CSGALNACT1: variants seen among roughly 807,000 people sequenced by gnomAD.
CSGALNACT1 encodes beta4GalNAcT-1.
CSGALNACT1 carries 52 observed loss-of-function variants against 51.0 expected under a neutral mutation model. The observed-to-expected ratio is 1.02, with a 90% CI of 0.82 to 1.29. The LOEUF is 1.29. Ranked by LOEUF, CSGALNACT1 falls within the 50% of genes most tolerant of loss-of-function variation. The probability of loss-of-function intolerance (pLI) is 0.00; values close to 1 mark genes in which losing one functional copy is unlikely to be tolerated. For synonymous variants in CSGALNACT1, 341 were observed against 254.4 expected (o/e 1.34, Z -3.24); for missense variants, 935 against 679.2 (o/e 1.38, Z -4.19).
chr8:19,425,402 A>G (rs942895386), intron 6 of CSGALNACT1, among the ~76,000 whole-genome samples: 1 of 152,212 alleles, frequency 6.6e-6, no homozygotes, highest in African/African-American at 2.4e-5. Context: ...CTGTAACTTC[A>G]CAACCCCGTG....
At chr8:19,534,667 T>C (rs1434618670) in intron 3 of CSGALNACT1, among the ~76,000 whole-genome samples, 1 of 151,288 alleles carries the variant, frequency 6.6e-6, no homozygotes, top group East Asian at 1.9e-4. Flanking sequence ...CAGACGGGAA[T>C]CGAAAACCGA....
intron 4 of CSGALNACT1, among the ~76,000 whole-genome samples, chr8:19,470,055 TC>T (rs373674238): frequency 0.011 from 1,673 of 152,256 alleles, 21 homozygotes; most frequent in African/African-American, 0.038. Flanking sequence ...CATACTTCCT[TC>T]ATATGCTGAT....
intron 2 of CSGALNACT1, among the ~76,000 whole-genome samples, chr8:19,601,237 T>G (rs2050362621): frequency 6.6e-6 from 1 of 152,194 alleles, no homozygotes; most frequent in Admixed American, 6.5e-5. Flanking sequence ...AGGGCACTAT[T>G]CTCAAAGAGC....
chr8:19,564,264 T>C (rs1443725503), intron 3 of CSGALNACT1, among the ~76,000 whole-genome samples: 1 of 152,190 alleles, frequency 6.6e-6, no homozygotes, highest in Non-Finnish European at 1.5e-5. Flanking sequence ...TATCCTGAAT[T>C]ACCCATGCTG....
intron 3 of CSGALNACT1, among the ~76,000 whole-genome samples, chr8:19,509,621 C>CAAAAA (rs755422032): frequency 7.0e-5 from 4 of 56,992 alleles, no homozygotes; most frequent in African/African-American, 1.8e-4. Context: ...GACTCTGTCT[C>CAAAAA]AAAAAAAAAA....
chr8:19,702,051 A>G (rs921878073), intron 1 of CSGALNACT1, among the ~76,000 whole-genome samples: 1 of 152,202 alleles, frequency 6.6e-6, no homozygotes, highest in African/African-American at 2.4e-5. Flanking sequence ...TTGGCTTCAT[A>G]AGTGCCTACC....
chr8:19,505,506 C>T (rs544441921), exon 4 of CSGALNACT1: 1 of 1,613,972 alleles, frequency 6.2e-7, no homozygotes, highest in East Asian at 2.2e-5. Context: ...TGGGGGGCTC[C>T]TGTCCAGACC....
At chr8:19,423,638 T>C (rs2058306163) in intron 6 of CSGALNACT1, among the ~76,000 whole-genome samples, 1 of 152,168 alleles carries the variant, frequency 6.6e-6, no homozygotes, top group Admixed American at 6.5e-5. Flanking sequence ...ATGACCTTAA[T>C]TTGGAAGAAC....
intron 1 of CSGALNACT1, among the ~76,000 whole-genome samples, chr8:19,718,346 C>T (rs1476336980): frequency 6.6e-6 from 1 of 152,180 alleles, no homozygotes; most frequent in Non-Finnish European, 1.5e-5. Flanking sequence ...AAGTGATCCA[C>T]CCACCTCAGC....
intron 1 of CSGALNACT1, among the ~76,000 whole-genome samples, chr8:19,640,006 C>T (rs2056552348): frequency 6.6e-6 from 1 of 151,942 alleles, no homozygotes; most frequent in African/African-American, 2.4e-5. Context: ...CCTCGGCCTC[C>T]CAAGTAGCTG....
At chr8:19,566,079 T>C (rs952578999) in intron 3 of CSGALNACT1, among the ~76,000 whole-genome samples, 2 of 152,198 alleles carry the variant, frequency 1.3e-5, no homozygotes, top group East Asian at 1.9e-4. Context: ...CATAAAACCT[T>C]TTGTCTTCTA....
intron 1 of CSGALNACT1, among the ~76,000 whole-genome samples, chr8:19,620,744 A>G (rs572286038): frequency 1.6e-4 from 24 of 152,264 alleles, no homozygotes; most frequent in Middle Eastern, 3.4e-3. Context: ...CCTTTTTTAA[A>G]TTTTAAAAAA....
intron 1 of CSGALNACT1, among the ~76,000 whole-genome samples, chr8:19,653,552 G>A (rs1019137400): frequency 1.3e-5 from 2 of 152,156 alleles, no homozygotes; most frequent in Admixed American, 6.5e-5. Context: ...CCAGCACTTT[G>A]GGAGGCCAAG....
At chr8:19,463,467 T>C (rs911415012) in intron 4 of CSGALNACT1, among the ~76,000 whole-genome samples, 8 of 152,132 alleles carry the variant, frequency 5.3e-5, no homozygotes, top group African/African-American at 1.9e-4. Context: ...TGGAGCTCTT[T>C]ATTGGTGGAA....
intron 1 of CSGALNACT1, among the ~76,000 whole-genome samples, chr8:19,691,356 C>T (rs1303077390): frequency 6.6e-6 from 1 of 152,154 alleles, no homozygotes; most frequent in Non-Finnish European, 1.5e-5. Context: ...ACACAGCCAA[C>T]CTCAGCTACC....
At position 19,475,572 on chromosome 8, in the gene CSGALNACT1, C is replaced by T. The variant is rs192141576; in HGVS notation, c.635-16930G>A. 9.2e-5 allele frequency among the ~76,000 whole-genome samples: 14 copies of T among 152,288 alleles called. No individual in the cohort carries two copies. In the East Asian group the frequency reaches 2.3e-3, roughly 25 times the overall value. On this transcript the variant is annotated intron_variant, in intron 4 of 9. Transcript: ENST00000454498. Reference sequence around the variant, plus strand: ...ACAACCTTGGAAACACAGACACAAACACAGACACACCCTCCACTGATCACC... The same window carrying T: ...ACAACCTTGGAAACACAGACACAAATACAGACACACCCTCCACTGATCACC...
chr8:19,504,405 G>A (rs905661723), intron 4 of CSGALNACT1, among the ~76,000 whole-genome samples: 2 of 152,156 alleles, frequency 1.3e-5, no homozygotes, highest in African/African-American at 2.4e-5. Context: ...CAGAAATGGG[G>A]AAAGAACTAG....
chr8:19,430,539 C>T (rs2059500779), intron 6 of CSGALNACT1, among the ~76,000 whole-genome samples: 1 of 152,274 alleles, frequency 6.6e-6, no homozygotes, highest in Admixed American at 6.5e-5. Flanking sequence ...AGGTTTATTT[C>T]CGAACTCTGC....
At chr8:19,418,384 A>G (rs958303804) in intron 8 of CSGALNACT1, among the ~76,000 whole-genome samples, 8 of 152,210 alleles carry the variant, frequency 5.3e-5, no homozygotes, top group African/African-American at 1.9e-4. Flanking sequence ...ATGCAACAAT[A>G]CCAGTTTCCA....
Sources: gnomAD v4.1 joint callset for allele counts (sites outside exome capture counted in the v4.1 genomes callset) on GRCh38, gnomAD v4.1.1 for gene constraint, MANE v1.5 for transcripts, NCBI Gene and HGNC (gene_info 2026-07-23, HGNC 2026-07-21) for gene names.